Variants in SEMA3D observed in about 807,000 individuals in gnomAD.
SEMA3D encodes semaphorin-3D.
SEMA3D carries 84 observed loss-of-function variants against 100.1 expected under a neutral mutation model. That is an observed-to-expected ratio of 0.84 (90% CI 0.70 to 1.01). The LOEUF is 1.01. Among genes scored for constraint, SEMA3D ranks in the 50% least tolerant of loss-of-function variants. The pLI, the probability that SEMA3D is intolerant of heterozygous loss-of-function variation, is 0.00. For missense variants in SEMA3D, 875 were observed against 934.1 expected, an observed-to-expected ratio of 0.94 and a Z score of 0.82; for synonymous variants, 312 against 320.7, an observed-to-expected ratio of 0.97 and a Z score of 0.29.
chr7:85,136,501 A>C (rs914149408), intron 2 of SEMA3D, among the ~76,000 whole-genome samples: 1 of 152,160 alleles, frequency 6.6e-6, no homozygotes, highest in African/African-American at 2.4e-5. Context: ...AATGTAGCGC[A>C]ATATGGTAAA....
chr7:85,245,499 C>T, the SEMA3D span, among the ~76,000 whole-genome samples: 3 of 152,162 alleles, frequency 2.0e-5, no homozygotes, highest in African/African-American at 7.2e-5. Flanking sequence ...AAAAAACTTT[C>T]CTCAGTAACA....
intron 4 of SEMA3D, among the ~76,000 whole-genome samples, chr7:85,083,800 T>C: frequency 7.0e-6 from 1 of 142,284 alleles, no homozygotes; most frequent in South Asian, 2.2e-4. Flanking sequence ...TGAGCCGAGA[T>C]CGCGCCACTG....
intron 4 of SEMA3D, among the ~76,000 whole-genome samples, chr7:85,082,439 T>C (rs1325483704): frequency 6.6e-6 from 1 of 152,226 alleles, no homozygotes; most frequent in East Asian, 1.9e-4. Flanking sequence ...AGCAGTTATG[T>C]AACTCCATTA....
At chr7:85,024,096 A>G (rs1372603213) in intron 12 of SEMA3D, among the ~76,000 whole-genome samples, 1 of 151,922 alleles carries the variant, frequency 6.6e-6, no homozygotes, top group African/African-American at 2.4e-5. Context: ...CCTTCAGCCA[A>G]GCGGAATCCG....
At chr7:85,181,222 A>G (rs561975774) in intron 1 of SEMA3D, among the ~76,000 whole-genome samples, 4 of 152,124 alleles carry the variant, frequency 2.6e-5, no homozygotes, top group Non-Finnish European at 5.9e-5. Context: ...TATCCAATAG[A>G]AAGAACCAGA....
At chr7:85,050,585 G>C in intron 9 of SEMA3D, 1 of 390,556 alleles carries the variant, frequency 2.6e-6, no homozygotes, top group Non-Finnish European at 4.6e-6. Flanking sequence ...ATATTGCCCA[G>C]TAAAATTATC....
intron 18 of SEMA3D, 65 bp from the exon 19 acceptor site, chr7:84,999,930 AG>A: frequency 7.7e-7 from 1 of 1,298,626 alleles, no homozygotes; most frequent in Non-Finnish European, 1.1e-6. Flanking sequence ...AAATGAAAAC[AG>A]GCTACATAGT....
chr7:85,125,315 T>C (rs1789535428), intron 2 of SEMA3D, among the ~76,000 whole-genome samples: 1 of 152,104 alleles, frequency 6.6e-6, no homozygotes, highest in South Asian at 2.1e-4. Flanking sequence ...TTGGGGTTAA[T>C]GGCCCTTGGC....
At chr7:85,244,245 A>G in the SEMA3D span, among the ~76,000 whole-genome samples, 1 of 152,196 alleles carries the variant, frequency 6.6e-6, no homozygotes, top group Non-Finnish European at 1.5e-5. Flanking sequence ...GCACTCACCT[A>G]TAACAACTTG....
the SEMA3D span, among the ~76,000 whole-genome samples, chr7:85,241,738 AT>A: frequency 1.3e-5 from 2 of 151,558 alleles, no homozygotes; most frequent in African/African-American, 4.8e-5. Flanking sequence ...TGTTCAGGTG[AT>A]GGGTGCACCA....
intron 2 of SEMA3D, among the ~76,000 whole-genome samples, chr7:85,146,431 G>T (rs1041967940): frequency 2.0e-5 from 3 of 151,814 alleles, no homozygotes; most frequent in African/African-American, 7.3e-5. Flanking sequence ...GGCAGGACCT[G>T]TAACCCCAGC....
the SEMA3D span, among the ~76,000 whole-genome samples, chr7:85,231,411 C>T: frequency 6.6e-6 from 1 of 150,688 alleles, no homozygotes; most frequent in African/African-American, 2.4e-5. Context: ...ATTATTCCAA[C>T]CCTTCTCGTA....
chr7:85,191,620 C>T (rs551840734), upstream of SEMA3D, among the ~76,000 whole-genome samples: 2 of 152,054 alleles, frequency 1.3e-5, no homozygotes, highest in African/African-American at 2.4e-5. Flanking sequence ...CAACAGTACT[C>T]TATTATTTCC....
At chr7:85,018,936 C>T (rs189752629) in intron 14 of SEMA3D, among the ~76,000 whole-genome samples, 3 of 151,814 alleles carry the variant, frequency 2.0e-5, no homozygotes, top group Non-Finnish European at 4.4e-5. Context: ...TATCATCTAT[C>T]TACTATTTAT....
chr7:85,190,180 C>T (rs188330563), upstream of SEMA3D, among the ~76,000 whole-genome samples: 13 of 152,150 alleles, frequency 8.5e-5, no homozygotes, highest in East Asian at 2.5e-3. Flanking sequence ...ATTCACAAAT[C>T]AAATGAAAAT....
intron 2 of SEMA3D, among the ~76,000 whole-genome samples, chr7:85,127,813 A>G (rs1789608390): frequency 1.3e-5 from 2 of 152,172 alleles, no homozygotes; most frequent in South Asian, 2.1e-4. Context: ...TCGACAGCCC[A>G]AAGTTTCAAT....
intron 9 of SEMA3D, chr7:85,050,756 G>T: frequency 1.9e-6 from 1 of 517,550 alleles, no homozygotes; most frequent in Non-Finnish European, 3.4e-6. Flanking sequence ...TTCTCCTAAA[G>T]ATAAAGAAAA....
At chr7:85,131,987 C>T (rs1226712338) in intron 2 of SEMA3D, among the ~76,000 whole-genome samples, 2 of 151,738 alleles carry the variant, frequency 1.3e-5, no homozygotes, top group Admixed American at 1.3e-4. Context: ...TTAGTAGTTG[C>T]TGACCATTTT....
Position 85,079,720 on chromosome 7 carries a change from T to C in SEMA3D, c.375+1797A>G, listed in dbSNP as rs185865195. On this transcript the variant is annotated intron_variant, in intron 5 of 18. Transcript: ENST00000284136. The stretch of plus-strand genomic sequence containing the variant: ...GGGAAAACCATTTTACTGGAGTAAA[T>C]TGAAAACATCCTTTTCCTTCTTGCC... Among the ~76,000 whole-genome samples the C allele has an allele frequency of 1.6e-3, 241 of 152,336 alleles. 1 individual carries two copies. Among genetic ancestry groups the C allele is most frequent in the African/African-American group, 5.5e-3 (230 of 41,586 alleles).
Sources: gnomAD v4.1 joint callset for allele counts (sites outside exome capture counted in the v4.1 genomes callset) on GRCh38, gnomAD v4.1.1 for gene constraint, MANE v1.5 for transcripts, NCBI Gene and HGNC (gene_info 2026-07-23, HGNC 2026-07-21) for gene names.